Variants in MBD3 observed in about 807,000 individuals in gnomAD.
MBD3 encodes the protein methyl-CpG binding domain protein 3, also known as methyl-CpG-binding domain protein 3.
Under a neutral mutation model 31.2 loss-of-function variants are expected in MBD3, and 13 were observed. The ratio of observed to expected loss-of-function variants is 0.42; its 90% CI spans 0.27 to 0.66. The LOEUF is 0.66. Among genes scored for constraint, MBD3 ranks in the 30% least tolerant of loss-of-function variants. The pLI, the probability that MBD3 is intolerant of heterozygous loss-of-function variation, is 0.26. For missense variants in MBD3, 440 were observed against 426.5 expected (o/e 1.03, Z -0.28); for synonymous variants, 223 against 187.4 (o/e 1.19, Z -1.55).
At position 1,578,008 on chromosome 19, in the gene MBD3, A is replaced by C; in HGVS notation, c.*156T>G. 2.0e-5 allele frequency: 9 copies of C among 441,928 alleles called. No homozygotes were observed. Among genetic ancestry groups the C allele is most frequent in the East Asian group, 9.1e-5 (2 of 21,984 alleles). 27.4% of individuals were successfully genotyped at this position (441,928 alleles called of 1,614,324 possible). On this transcript the variant is annotated 3_prime_UTR_variant, in exon 7 of 7. Coordinates refer to ENST00000434436, the MANE Select transcript of MBD3 (RefSeq NM_001281453.2). The surrounding 1 kb of genome is among the most constrained non-coding windows in gnomAD (Gnocchi z 6.1). ...AGCTGTGTGCCCCGAGGCCCCGGGA[A>C]GTGGGGACGGGCCGAGGAGGGAGCC...
intron 3 of MBD3, among the ~76,000 whole-genome samples, chr19:1,584,176 G>A (rs2060666525): frequency 6.6e-6 from 1 of 151,924 alleles, no homozygotes. Flanking sequence ...TTGGTATCTG[G>A]GGGTTGAGGG....
At chr19:1,582,741 G>C (rs1248984207) in intron 3 of MBD3, 29 bp from the exon 4 acceptor site, 24 of 1,593,356 alleles carry the variant, frequency 1.5e-5, no homozygotes, top group Non-Finnish European at 2.1e-5. Flanking sequence ...TGAACCTCAA[G>C]AGTGGCCCTG....
Position 1,585,320 on chromosome 19 carries a change from C to A in MBD3, c.111-106G>T, listed in dbSNP as rs1324769230. 3 of 1,287,700 alleles carry A rather than the reference C, an allele frequency of 2.3e-6. No homozygotes were observed. Among genetic ancestry groups the A allele is most frequent in the Non-Finnish European group, 3.2e-6 (3 of 938,606 alleles). 79.8% of individuals were successfully genotyped at this position (1,287,700 alleles called of 1,614,324 possible). On this transcript the variant is annotated intron_variant, in intron 1 of 6. Transcript: ENST00000434436. The surrounding 1 kb of genome is among the most constrained non-coding windows in gnomAD (Gnocchi z 4.1). ...TCCCAGCCCCAGCTTCAGGTCGCGACCCCAGCCCCAGACCCCAACACGGCC... is the reference window on the plus strand; with the variant it reads ...TCCCAGCCCCAGCTTCAGGTCGCGAACCCAGCCCCAGACCCCAACACGGCC...
In MBD3 at chr19:1,592,621, T is replaced by A; in HGVS notation, c.11A>T (p.Lys4Met). Residue 4 changes from lysine to methionine, a missense_variant, in exon 1 of 7, where the codon AAG becomes ATG. Lys to Met is a moderately conservative substitution (Grantham distance 95, BLOSUM62 -1). Around this residue, in one of 3 missense-constraint regions of MBD3, gnomAD observed 179 missense variants for 134.7 expected, o/e 1.33. Coordinates refer to ENST00000434436, the MANE Select transcript of MBD3 (RefSeq NM_001281453.2). Reference protein sequence around the residue: MERKRWECPALPQG... With the variant: MERMRWECPALPQG... ...CGGGAGCGCCGGGCACTCCCACCTC[T>A]TCCGCTCCATTGCGCCCGGCTCCTC... 7.5e-7 allele frequency: 1 copy of A among 1,338,210 alleles called. No individual in the cohort carries two copies. Among genetic ancestry groups the A allele is most frequent in the South Asian group, 1.3e-5 (1 of 74,248 alleles). 82.9% of individuals were successfully genotyped at this position (1,338,210 alleles called of 1,614,324 possible). A position where few individuals can be genotyped will look rare whatever the true frequency, so the allele number is the denominator to read the frequency against.
Position 1,592,537 on chromosome 19 carries a change from T to A in MBD3, c.95A>T (p.Asp32Val). The A allele has an allele frequency of 7.0e-7, 1 of 1,431,276 alleles. No homozygotes were observed. The highest frequency in any genetic ancestry group is 9.4e-7 in the Non-Finnish European group (1 of 1,068,524). The allele number at this position is 1,431,276 out of a possible 1,614,324, so 88.7% of individuals were successfully genotyped here. The change falls in exon 1 of 7, where the codon GAT becomes GTT. Residue 32 changes from aspartate to valine, a missense_variant. By Grantham distance (152) the Asp-to-Val change is radical. Around this residue, in one of 3 missense-constraint regions of MBD3, gnomAD observed 179 missense variants for 134.7 expected, o/e 1.33. Transcript: ENST00000434436. ...RRSGLSAGHR[D>V]VFYYSPSGKK... Reference sequence around the variant, plus strand: ...GCTCATTCACCTATAGTAAAAGACATCCCTGTGGCCGGCCGACAGCCCCGA... The same window carrying A: ...GCTCATTCACCTATAGTAAAAGACAACCCTGTGGCCGGCCGACAGCCCCGA...
intron 1 of MBD3, among the ~76,000 whole-genome samples, chr19:1,590,948 C>G (rs2060700730): frequency 6.6e-6 from 1 of 152,238 alleles, no homozygotes; most frequent in Non-Finnish European, 1.5e-5. Flanking sequence ...CTTCTCCCTG[C>G]TTTTCTCCAC....
chr19:1,579,127 T>C (rs1281546067), intron 5 of MBD3, among the ~76,000 whole-genome samples: 20 of 121,566 alleles, frequency 1.6e-4, no homozygotes, highest in Admixed American at 1.4e-3. Context: ...GAGGTTGCAG[T>C]GGGCTGGGAT....
chr19:1,575,061 CCCT>C lies in MBD3; in HGVS notation c.*3100_*3102del. On this transcript the variant is annotated 3_prime_UTR_variant, in exon 7 of 7. Transcript: ENST00000434436. ...GGTCCTGAGCCTCTCCTCCCTGGTACCCTCTGTGGCGGCAGCGGTGGGGAGCTT... is the reference window on the plus strand; with the variant it reads ...GGTCCTGAGCCTCTCCTCCCTGGTACCTGTGGCGGCAGCGGTGGGGAGCTT... The C allele has an allele frequency of 2.7e-6, 1 of 371,622 alleles. No homozygotes were observed. The highest frequency in any genetic ancestry group is 1.9e-5 in the South Asian group (1 of 52,294). The allele number at this position is 371,622 out of a possible 1,614,324, so 23.0% of individuals were successfully genotyped here.
chr19:1,574,927 G>C lies in MBD3; in HGVS notation c.*3237C>G. On this transcript the variant is annotated 3_prime_UTR_variant, in exon 7 of 7. Transcript: ENST00000434436. ...GCAGGGACAGCAAGGCACGGGCCCT[G>C]GGTGTGGCAGGAGAGGCATGATGCC... 1 of 312,338 alleles carries C rather than the reference G, an allele frequency of 3.2e-6. No individual in the cohort carries two copies. The highest frequency in any genetic ancestry group is 6.4e-6 in the Non-Finnish European group (1 of 156,042). The allele number at this position is 312,338 out of a possible 1,614,324, so 19.3% of individuals were successfully genotyped here. A position where few individuals can be genotyped will look rare whatever the true frequency, so the allele number is the denominator to read the frequency against.
intron 5 of MBD3, among the ~76,000 whole-genome samples, chr19:1,580,631 G>A (rs1488494912): frequency 2.0e-5 from 3 of 152,220 alleles, no homozygotes; most frequent in African/African-American, 4.8e-5. Context: ...CAGGAGGGCC[G>A]CTCACCCCTG....
Position 1,585,347 on chromosome 19 carries a change from T to G in MBD3, c.111-133A>C. The G allele has an allele frequency of 2.1e-6, 2 of 974,056 alleles. No individual in the cohort carries two copies. Among genetic ancestry groups the G allele is most frequent in the Non-Finnish European group, 2.9e-6 (2 of 684,308 alleles). 60.3% of individuals were successfully genotyped at this position (974,056 alleles called of 1,614,324 possible). A position where few individuals can be genotyped will look rare whatever the true frequency, so the allele number is the denominator to read the frequency against. ...CCAGCCCCAGACCCCAACACGGCCC[T>G]GACCCCAAACCCAGGCAGGCCCTGG... On this transcript the variant is annotated intron_variant, in intron 1 of 6. Coordinates refer to ENST00000434436, the MANE Select transcript of MBD3 (RefSeq NM_001281453.2). This position sits in a 1 kb window ranked among gnomAD's most constrained non-coding sequence, Gnocchi z 4.1.
chr19:1,585,125 C>T lies in MBD3; in HGVS notation c.200G>A (p.Gly67Asp). The T allele has an allele frequency of 6.2e-7, 1 of 1,612,338 alleles. No individual in the cohort carries two copies. Among genetic ancestry groups the T allele is most frequent in the Non-Finnish European group, 8.5e-7 (1 of 1,179,504 alleles). ...GTTCATCTTGCTCATCAGCATCTTG[C>T]CCGTGCGGAAGTCGAAGGTGCTCAG... ...MDLSTFDFRT[G>D]KMLMSKMNKS... Residue 67 changes from glycine to aspartate, a missense_variant, in exon 2 of 7, where the codon GGC (glycine) becomes GAC (aspartate). Transcript: ENST00000434436. This position sits in a 1 kb window ranked among gnomAD's most constrained non-coding sequence, Gnocchi z 4.1.
intron 1 of MBD3, among the ~76,000 whole-genome samples, chr19:1,587,197 CCTCATGAT>C (rs2060683420): frequency 2.0e-5 from 3 of 151,248 alleles, no homozygotes; most frequent in African/African-American, 7.3e-5. Context: ...GACCTCCTGA[CCTCATGAT>C]CTGGCTGCCT....
At chr19:1,583,493 T>G (rs1056831258) in intron 3 of MBD3, 1 of 151,630 alleles carries the variant, frequency 6.6e-6, no homozygotes, top group Non-Finnish European at 1.5e-5. Context: ...ACCCCCTGTA[T>G]CTGTGGGTTC....
In MBD3 at chr19:1,575,670, C is replaced by T. The variant is rs772258313; in HGVS notation, c.*2494G>A. ...GACTTTTCCAGGGCAGGGAATTTGACGAGGGCCTGAGCACTGGGCTGGCCC... is the reference window on the plus strand; with the variant it reads ...GACTTTTCCAGGGCAGGGAATTTGATGAGGGCCTGAGCACTGGGCTGGCCC... On this transcript the variant is annotated 3_prime_UTR_variant, in exon 7 of 7. Transcript: ENST00000434436. 9.5e-5 allele frequency: 15 copies of T among 158,702 alleles called. No homozygotes were observed. The highest frequency in any genetic ancestry group is 1.8e-4 in the Non-Finnish European group (13 of 71,714). The allele number at this position is 158,702 out of a possible 1,614,324, so 9.8% of individuals were successfully genotyped here.
intron 3 of MBD3, among the ~76,000 whole-genome samples, chr19:1,583,004 G>C (rs1026879257): frequency 5.3e-5 from 8 of 152,102 alleles, no homozygotes; most frequent in Admixed American, 3.9e-4. Flanking sequence ...AGGAGTTTGA[G>C]ACCAGCCTGG....
At chr19:1,581,507 G>A in intron 4 of MBD3, 1 of 584,524 alleles carries the variant, frequency 1.7e-6, no homozygotes. Context: ...TCTTGGGAGG[G>A]CGAGGTGGGA....
At chr19:1,581,713 T>G (rs942563095) in intron 4 of MBD3, 8 of 282,498 alleles carry the variant, frequency 2.8e-5, no homozygotes, top group African/African-American at 1.3e-4. Flanking sequence ...CCACTGTACT[T>G]CAGCATGGGC....
At chr19:1,583,979 G>C (rs946523794) in intron 3 of MBD3, among the ~76,000 whole-genome samples, 16 of 151,902 alleles carry the variant, frequency 1.1e-4, no homozygotes, top group African/African-American at 3.6e-4. Flanking sequence ...ACACCACCAC[G>C]CCCAGCTAAT....
Sources: allele counts gnomAD v4.1 joint callset (sites outside exome capture counted in the v4.1 genomes callset), GRCh38; gene constraint gnomAD v4.1.1; regional missense constraint gnomAD v4.1.1; non-coding constraint Gnocchi (gnomAD v3.1); transcripts MANE v1.5; gene names NCBI Gene and HGNC (gene_info 2026-07-23, HGNC 2026-07-21).